The following PRKAA2 variants were observed in gnomAD, a reference collection of about 807,000 sequenced individuals.
PRKAA2 encodes 5'-AMP-activated protein kinase catalytic subunit alpha-2.
In PRKAA2, 40 loss-of-function variants were observed where a neutral mutation model predicts 56.3. The ratio of observed to expected loss-of-function variants is 0.71; its 90% CI spans 0.55 to 0.92. PRKAA2 has a LOEUF of 0.92. Ranked by LOEUF, PRKAA2 falls within the 40% of genes least tolerant of loss-of-function variation. The pLI is 0.00. For synonymous variants in PRKAA2, 214 were observed against 234.2 expected (o/e 0.91, Z 0.79); for missense variants, 542 against 686.9 (o/e 0.79, Z 2.36).
At chr1:56,694,985 C>T (rs991441067) in intron 5 of PRKAA2, among the ~76,000 whole-genome samples, 4 of 150,900 alleles carry the variant, frequency 2.7e-5, no homozygotes, top group African/African-American at 9.8e-5. Context: ...GCTGTAGAAA[C>T]GTAAGAGAAA....
intron 6 of PRKAA2, among the ~76,000 whole-genome samples, chr1:56,699,756 C>G (rs1027647206): frequency 1.7e-4 from 26 of 152,116 alleles, no homozygotes; most frequent in Non-Finnish European, 1.5e-4. Context: ...TAGTCACTCC[C>G]CATTTCCCCT....
intron 1 of PRKAA2, among the ~76,000 whole-genome samples, chr1:56,672,501 T>C (rs1644084612): frequency 6.6e-6 from 1 of 151,944 alleles, no homozygotes; most frequent in Non-Finnish European, 1.5e-5. Flanking sequence ...GGGACAGAGG[T>C]CACTGGCATA....
At chr1:56,686,262 C>T (rs927275766) in intron 2 of PRKAA2, among the ~76,000 whole-genome samples, 1 of 152,130 alleles carries the variant, frequency 6.6e-6, no homozygotes, top group African/African-American at 2.4e-5. Context: ...ATAAATCCAC[C>T]AGTTTTCTAA....
chr1:56,661,201 C>T (rs902592381), intron 1 of PRKAA2, among the ~76,000 whole-genome samples: 1 of 152,106 alleles, frequency 6.6e-6, no homozygotes, highest in Non-Finnish European at 1.5e-5. Flanking sequence ...ATGTTCTTAA[C>T]GTTTTTATTG....
chr1:56,662,828 A>ATGATTT (rs57435983), intron 1 of PRKAA2, among the ~76,000 whole-genome samples: 46,962 of 151,562 alleles, frequency 0.31, 7,925 homozygotes, highest in Admixed American at 0.46. Flanking sequence ...TGGATGCCTA[A>ATGATTT]TGATTTTCCT....
chr1:56,687,836 TG>T (rs1352037114), intron 2 of PRKAA2, among the ~76,000 whole-genome samples: 1 of 152,206 alleles, frequency 6.6e-6, no homozygotes, highest in Non-Finnish European at 1.5e-5. Context: ...CTATTTTTTT[TG>T]ATTTTCATAT....
At chr1:56,663,871 A>G (rs142120444) in intron 1 of PRKAA2, among the ~76,000 whole-genome samples, 129 of 152,282 alleles carry the variant, frequency 8.5e-4, no homozygotes, top group South Asian at 3.9e-3. Context: ...AGGCAGAGGT[A>G]GGAAGATCGC....
At chr1:56,647,891 G>A (rs1369236296) in intron 1 of PRKAA2, among the ~76,000 whole-genome samples, 2 of 151,580 alleles carry the variant, frequency 1.3e-5, no homozygotes, top group Non-Finnish European at 2.9e-5. Context: ...TTAGCCAGGC[G>A]TGGTGGTAGG....
intron 1 of PRKAA2, among the ~76,000 whole-genome samples, chr1:56,671,118 C>T (rs372936536): frequency 1.1e-4 from 16 of 152,254 alleles, no homozygotes; most frequent in African/African-American, 3.9e-4. Flanking sequence ...AAGTTTATAT[C>T]TGTAATATAC....
rs1170749841 is a variant in PRKAA2, at chr1:56,703,972, G to C, written c.790G>C (p.Glu264Gln). The C allele has an allele frequency of 1.9e-6, 3 of 1,599,290 alleles. No individual in the cohort carries two copies. Among genetic ancestry groups the C allele is most frequent in the African/African-American group, 2.7e-5 (2 of 74,580 alleles). Reference sequence around the variant, plus strand: ...AATGTATTGTGGTGTTTTTCCTAGAGAGCATGAATGGTTTAAACAAGATTT... The same window carrying C: ...AATGTATTGTGGTGTTTTTCCTAGACAGCATGAATGGTTTAAACAAGATTT... ...LKRATIKDIR[E>Q]HEWFKQDLPS... The change falls in exon 7 of 9, where the codon GAG becomes CAG. Residue 264 changes from glutamate (E) to glutamine (Q), a missense_variant and splice_region_variant. By Grantham distance (29) the Glu-to-Gln change is conservative. This residue lies in a region of PRKAA2 where 198 missense variants were observed against 234.0 expected (regional missense o/e 0.85). Coordinates refer to ENST00000371244, the MANE Select transcript of PRKAA2 (RefSeq NM_006252.4).
intron 1 of PRKAA2, among the ~76,000 whole-genome samples, chr1:56,662,396 A>G (rs1423262444): frequency 2.6e-5 from 4 of 152,030 alleles, no homozygotes; most frequent in African/African-American, 9.6e-5. Context: ...AAAAATATAA[A>G]CATTTTTAAT....
intron 2 of PRKAA2, among the ~76,000 whole-genome samples, chr1:56,689,980 T>C (rs1557557483): frequency 6.7e-6 from 1 of 150,018 alleles, no homozygotes; most frequent in Non-Finnish European, 1.5e-5. Flanking sequence ...TTTACAAAAG[T>C]AACGCGGTGA....
At chr1:56,692,596 G>C (rs574700183) in intron 4 of PRKAA2, 94 bp downstream of exon 4, 1 of 1,261,088 alleles carries the variant, frequency 7.9e-7, no homozygotes, top group Non-Finnish European at 1.1e-6. Flanking sequence ...AACCTTGTAC[G>C]TTCTGTACCA....
In PRKAA2 at chr1:56,707,705, G is replaced by T. The variant is rs1644342002; in HGVS notation, c.1651G>T (p.Ala551Ser). ...EMCASLITTL[A>S]R is the part of the protein sequence containing the mutation. ...GTGTGCCAGTCTGATTACTACTTTA[G>T]CCCGTTGATCTGTCTCTAGTTTCTT... Residue 551 changes from alanine (A) to serine (S), a missense_variant, in exon 9 of 9, where the codon GCC becomes TCC. This residue lies in a region of PRKAA2 where 158 missense variants were observed against 166.1 expected (regional missense o/e 0.95). Coordinates refer to ENST00000371244, the MANE Select transcript of PRKAA2 (RefSeq NM_006252.4). 3 of 1,589,798 alleles carry T rather than the reference G, an allele frequency of 1.9e-6. No homozygotes were observed. Among genetic ancestry groups the T allele is most frequent in the Non-Finnish European group, 2.6e-6 (3 of 1,158,006 alleles).
chr1:56,665,475 G>C (rs951400741), intron 1 of PRKAA2, among the ~76,000 whole-genome samples: 2 of 152,154 alleles, frequency 1.3e-5, no homozygotes, highest in African/African-American at 2.4e-5. Flanking sequence ...AGCATTGAAA[G>C]CTTCTTATAA....
At chr1:56,645,688 G>T (rs1165318375) in intron 1 of PRKAA2, among the ~76,000 whole-genome samples, 1 of 152,076 alleles carries the variant, frequency 6.6e-6, no homozygotes, top group African/African-American at 2.4e-5. Flanking sequence ...CCAGGGAAGA[G>T]GGCGGGGGTG....
chr1:56,701,984 C>G (rs954315283), intron 6 of PRKAA2, among the ~76,000 whole-genome samples: 4 of 152,054 alleles, frequency 2.6e-5, no homozygotes, highest in Admixed American at 2.0e-4. Flanking sequence ...AGTCTAGTAG[C>G]TGTAGAAGTT....
chr1:56,645,348 C>A lies in PRKAA2; in HGVS notation c.-40C>A. On this transcript the variant is annotated 5_prime_UTR_variant, in exon 1 of 9. Transcript: ENST00000371244. ...GTAGGCGGCGGCGGCGGCGGCTACG[C>A]GGAGCGGCAGGCGGTGGAGCGAGGC... is the stretch of plus-strand genomic sequence containing the variant. 2 of 1,419,902 alleles carry A rather than the reference C, an allele frequency of 1.4e-6. No homozygotes were observed. The highest frequency in any genetic ancestry group is 1.9e-6 in the Non-Finnish European group (2 of 1,072,152). The allele number at this position is 1,419,902 out of a possible 1,614,324, so 88.0% of individuals were successfully genotyped here. A position where few individuals can be genotyped will look rare whatever the true frequency, so the allele number is the denominator to read the frequency against.
chr1:56,645,370 A>T lies in PRKAA2; in HGVS notation c.-18A>T. ...ACGCGGAGCGGCAGGCGGTGGAGCG[A>T]GGCCGCGCGCGCCGAAGATGGCTGA... On this transcript the variant is annotated 5_prime_UTR_variant, in exon 1 of 9. Coordinates refer to ENST00000371244, the MANE Select transcript of PRKAA2 (RefSeq NM_006252.4). 1 of 1,454,352 alleles carries T rather than the reference A, an allele frequency of 6.9e-7. No individual in the cohort carries two copies. Among genetic ancestry groups the T allele is most frequent in the Non-Finnish European group, 9.1e-7 (1 of 1,093,052 alleles). The allele number at this position is 1,454,352 out of a possible 1,614,324, so 90.1% of individuals were successfully genotyped here. A position where few individuals can be genotyped will look rare whatever the true frequency, so the allele number is the denominator to read the frequency against.
Sources: allele counts gnomAD v4.1 joint callset (sites outside exome capture counted in the v4.1 genomes callset), GRCh38; gene constraint gnomAD v4.1.1; regional missense constraint gnomAD v4.1.1; transcripts MANE v1.5; gene names NCBI Gene and HGNC (gene_info 2026-07-23, HGNC 2026-07-21).